AEBP2: variants seen among roughly 807,000 people sequenced by gnomAD.
The protein encoded by AEBP2 is zinc finger protein AEBP2.
In AEBP2, 10 loss-of-function variants were observed where a neutral mutation model predicts 50.8. The observed-to-expected ratio is 0.20, with a 90% CI of 0.12 to 0.33. AEBP2 has a LOEUF of 0.33. Ranked by LOEUF, AEBP2 falls within the 10% of genes least tolerant of loss-of-function variation. The pLI is 1.00. For missense variants in AEBP2, 570 were observed against 688.0 expected, an observed-to-expected ratio of 0.83 and a Z score of 1.92; for synonymous variants, 296 against 261.3, an observed-to-expected ratio of 1.13 and a Z score of -1.28.
At chr12:19,451,739 G>A (rs1948169507) in intron 1 of AEBP2, among the ~76,000 whole-genome samples, 1 of 150,982 alleles carries the variant, frequency 6.6e-6, no homozygotes, top group African/African-American at 2.4e-5. Context: ...TGCCCAGGCT[G>A]GAGTACAGTG....
intron 1 of AEBP2, among the ~76,000 whole-genome samples, chr12:19,459,623 A>G (rs1186782130): frequency 2.0e-5 from 3 of 152,270 alleles, no homozygotes; most frequent in Non-Finnish European, 4.4e-5. Context: ...AACAACAAAC[A>G]ATATATGTAT....
intron 1 of AEBP2, among the ~76,000 whole-genome samples, chr12:19,417,690 G>A (rs1277774635): frequency 6.7e-6 from 1 of 149,504 alleles, no homozygotes; most frequent in Non-Finnish European, 1.5e-5. Flanking sequence ...TAACAGGTGT[G>A]AGCCACTGAG....
intron 4 of AEBP2, 35 bp downstream of exon 4, chr12:19,494,021 A>C (rs367910838): frequency 7.1e-6 from 2 of 281,952 alleles, no homozygotes; most frequent in Non-Finnish European, 1.2e-5. Context: ...GGTGTATTTC[A>C]TGGTTTTAAA....
At chr12:19,474,943 C>T (rs1444810009) in intron 3 of AEBP2, among the ~76,000 whole-genome samples, 3 of 152,160 alleles carry the variant, frequency 2.0e-5, no homozygotes, top group African/African-American at 7.2e-5. Context: ...CCGGCATGCG[C>T]CATCACGCCT....
intron 3 of AEBP2, among the ~76,000 whole-genome samples, chr12:19,487,307 A>G (rs1335578629): frequency 6.6e-6 from 1 of 152,100 alleles, no homozygotes; most frequent in African/African-American, 2.4e-5. Flanking sequence ...TACATAATTT[A>G]TATACATAAA....
intron 1 of AEBP2, chr12:19,456,696 T>G: frequency 1.3e-6 from 2 of 1,580,158 alleles, no homozygotes; most frequent in Non-Finnish European, 1.7e-6. Flanking sequence ...AGACACATTC[T>G]TGACATTGAA....
chr12:19,482,751 G>A (rs1312551095), intron 3 of AEBP2, among the ~76,000 whole-genome samples: 3 of 152,146 alleles, frequency 2.0e-5, no homozygotes, highest in South Asian at 4.1e-4. Context: ...TTCATTAGGC[G>A]GGGCTTGCCA....
Position 19,493,960 on chromosome 12 carries a change from T to C in AEBP2, c.1148T>C (p.Leu383Ser). The C allele has an allele frequency of 6.2e-7, 1 of 1,611,158 alleles. No individual in the cohort carries two copies. Residue 383 changes from leucine (L) to serine (S), a missense_variant, in exon 4 of 8, where the codon TTA (leucine) becomes TCA (serine). Physicochemically the swap from Leu to Ser is moderately radical, Grantham distance 145 (BLOSUM62 -2). Coordinates refer to ENST00000266508, the MANE Select transcript of AEBP2 (RefSeq NM_153207.5). Reference sequence around the variant, plus strand: ...GCTGGAATGAACAAAAGGAGGAAATTAAAGAACAAAAGACGACGCTCATTA... The same window carrying C: ...GCTGGAATGAACAAAAGGAGGAAATCAAAGAACAAAAGACGACGCTCATTA... The part of the protein sequence containing the change: ...SKAGMNKRRK[L>S]KNKRRRSLPR...
intron 3 of AEBP2, among the ~76,000 whole-genome samples, chr12:19,486,545 C>T (rs554751832): frequency 3.9e-5 from 6 of 152,138 alleles, no homozygotes; most frequent in South Asian, 4.2e-4. Flanking sequence ...CCTGTGCTAC[C>T]ACGTCCAGCT....
chr12:19,487,384 T>C lies in AEBP2; in HGVS notation c.988-6416T>C, dbSNP rs118103991. ...GTATATTCACAGTTTTGTAAAATTA[T>C]TACCACTGTCTGGTTACAGAAAGTA... On this transcript the variant is annotated intron_variant, in intron 3 of 7. Transcript: ENST00000266508. 6.4e-3 allele frequency among the ~76,000 whole-genome samples: 976 copies of C among 152,268 alleles called. 6 individuals carry two copies. Among genetic ancestry groups the C allele is most frequent in the Non-Finnish European group, 0.01 (693 of 68,020 alleles).
At chr12:19,457,739 C>A (rs1285507333) in intron 1 of AEBP2, 3 of 706,402 alleles carry the variant, frequency 4.2e-6, no homozygotes, top group Non-Finnish European at 6.0e-6. Context: ...GAGATCTTTT[C>A]GGTTCCTACT....
intron 3 of AEBP2, among the ~76,000 whole-genome samples, chr12:19,492,931 A>G (rs1217788266): frequency 1.3e-5 from 2 of 152,134 alleles, no homozygotes; most frequent in Non-Finnish European, 2.9e-5. Context: ...AGCCGAGATC[A>G]TGCCACTGCA....
chr12:19,425,193 A>G (rs1038556320), intron 1 of AEBP2, among the ~76,000 whole-genome samples: 2 of 152,194 alleles, frequency 1.3e-5, no homozygotes, highest in African/African-American at 4.8e-5. Context: ...AGGTGGGTCA[A>G]CGACACAGTC....
chr12:19,431,880 C>T (rs1737308424), intron 1 of AEBP2, among the ~76,000 whole-genome samples: 2 of 152,308 alleles, frequency 1.3e-5, no homozygotes, highest in East Asian at 1.9e-4. Flanking sequence ...TATCAACACA[C>T]AGAACCTAAA....
At chr12:19,474,473 C>T (rs1394468075) in intron 3 of AEBP2, among the ~76,000 whole-genome samples, 1 of 152,144 alleles carries the variant, frequency 6.6e-6, no homozygotes, top group African/African-American at 2.4e-5. Context: ...ATTTGTCTCT[C>T]TCTTTTTCCT....
chr12:19,462,731 T>A lies in AEBP2; in HGVS notation c.879+14T>A. The A allele has an allele frequency of 6.4e-7, 1 of 1,569,612 alleles. No homozygotes were observed. The highest frequency in any genetic ancestry group is 8.7e-7 in the Non-Finnish European group (1 of 1,151,256). On this transcript the variant is annotated intron_variant, in intron 2 of 7. Transcript: ENST00000266508. ...CAGCGAGGAGGGGTTGGTTTTGTCA[T>A]TTCTTTTTTTCGCTCCCTGTTTTCG...
intron 1 of AEBP2, among the ~76,000 whole-genome samples, chr12:19,427,178 A>T (rs1279619012): frequency 6.6e-6 from 1 of 151,944 alleles, no homozygotes; most frequent in Non-Finnish European, 1.5e-5. Context: ...GGAGTTTGAA[A>T]CCATCCTTGC....
At chr12:19,456,562 C>G in intron 1 of AEBP2, 2 of 1,538,654 alleles carry the variant, frequency 1.3e-6, no homozygotes, top group Admixed American at 3.3e-5. Context: ...AGTACAGGGG[C>G]ATAGCCAGCA....
intron 1 of AEBP2, among the ~76,000 whole-genome samples, chr12:19,413,888 T>C (rs2095740781): frequency 6.6e-6 from 1 of 151,792 alleles, no homozygotes; most frequent in African/African-American, 2.4e-5. Context: ...TTTTTTTGTT[T>C]GTTTTTGTTT....
Sources: gnomAD v4.1 joint callset for allele counts (sites outside exome capture counted in the v4.1 genomes callset) on GRCh38, gnomAD v4.1.1 for gene constraint, MANE v1.5 for transcripts, NCBI Gene and HGNC (gene_info 2026-07-23, HGNC 2026-07-21) for gene names.